The following FAM174B variants were observed in gnomAD, a reference collection of about 807,000 sequenced individuals.
The protein encoded by FAM174B is membrane protein FAM174B.
A neutral mutation model predicts 10.9 loss-of-function variants in FAM174B; 12 were observed. The observed-to-expected ratio is 1.10, with a 90% CI of 0.71 to 1.79. The LOEUF (loss-of-function observed/expected upper bound fraction) is 1.79. Among genes scored for constraint, FAM174B ranks in the 40% most tolerant of loss-of-function variants. The pLI is 0.00. For missense variants in FAM174B, 266 were observed against 233.3 expected, an observed-to-expected ratio of 1.14 and a Z score of -0.91; for synonymous variants, 132 against 115.8, an observed-to-expected ratio of 1.14 and a Z score of -0.90.
intron 1 of FAM174B, among the ~76,000 whole-genome samples, chr15:92,643,399 A>G (rs947947541): frequency 1.9e-4 from 22 of 114,660 alleles, no homozygotes; most frequent in African/African-American, 6.1e-4. Flanking sequence ...TATTACACTC[A>G]CTTGCTTCTA....
intron 1 of FAM174B, chr15:92,639,114 A>G (rs1359936348): frequency 6.6e-6 from 1 of 152,318 alleles, no homozygotes; most frequent in Non-Finnish European, 1.5e-5. Flanking sequence ...ATCACACTCC[A>G]CAACATGAGC....
intron 1 of FAM174B, among the ~76,000 whole-genome samples, chr15:92,651,763 A>C (rs1165013115): frequency 6.6e-6 from 1 of 152,212 alleles, no homozygotes; most frequent in African/African-American, 2.4e-5. Flanking sequence ...TTTCTCTTCT[A>C]ATCATTCACA....
chr15:92,624,399 T>C (rs538619742), intron 2 of FAM174B, among the ~76,000 whole-genome samples: 2 of 148,694 alleles, frequency 1.3e-5, no homozygotes, highest in African/African-American at 4.8e-5. Context: ...CTGGGGTGCC[T>C]GGCCATTCAG....
At position 92,617,989 on chromosome 15, in the gene FAM174B, C is replaced by T. The variant is rs1007739948; in HGVS notation, c.*1467G>A. On this transcript the variant is annotated 3_prime_UTR_variant, in exon 3 of 3. Transcript: ENST00000327355. ...CTGCCTTCCTGGCAGGCGGAGGCTG[C>T]CGAGCTCCCATGCCCCTTCCCACAT... 2.7e-5 allele frequency: 9 copies of T among 334,166 alleles called. No individual in the cohort carries two copies. Among genetic ancestry groups the T allele is most frequent in the Admixed American group, 9.7e-5 (2 of 20,536 alleles). 20.7% of individuals were successfully genotyped at this position (334,166 alleles called of 1,614,324 possible).
chr15:92,621,292 T>A (rs1194115138), intron 2 of FAM174B, among the ~76,000 whole-genome samples: 1 of 152,192 alleles, frequency 6.6e-6, no homozygotes, highest in Non-Finnish European at 1.5e-5. Flanking sequence ...AAGTTTAATT[T>A]TTTTTCCAAA....
intron 2 of FAM174B, among the ~76,000 whole-genome samples, chr15:92,623,391 A>G (rs573464882): frequency 3.9e-5 from 6 of 152,302 alleles, no homozygotes; most frequent in East Asian, 3.9e-4. Context: ...CATCATTAAC[A>G]TAAGTCAGAA....
At chr15:92,638,823 C>A (rs2050872363) in intron 1 of FAM174B, among the ~76,000 whole-genome samples, 1 of 152,234 alleles carries the variant, frequency 6.6e-6, no homozygotes, top group Non-Finnish European at 1.5e-5. Flanking sequence ...TCTTCCGAAT[C>A]CTGCAGCCCC....
intron 1 of FAM174B, among the ~76,000 whole-genome samples, chr15:92,633,496 T>A (rs2050832591): frequency 6.6e-6 from 1 of 152,088 alleles, no homozygotes; most frequent in African/African-American, 2.4e-5. Context: ...AGCTGTAAAG[T>A]CTGATGATAC....
At chr15:92,624,583 C>T (rs902691124) in intron 2 of FAM174B, among the ~76,000 whole-genome samples, 1 of 152,238 alleles carries the variant, frequency 6.6e-6, no homozygotes. Flanking sequence ...ACAAAAATGC[C>T]CTTTGTTTCC....
chr15:92,647,101 A>C (rs894004743), intron 1 of FAM174B, among the ~76,000 whole-genome samples: 1 of 152,234 alleles, frequency 6.6e-6, no homozygotes, highest in African/African-American at 2.4e-5. Flanking sequence ...AGTGAGGAAA[A>C]CATATAAAAT....
chr15:92,640,679 C>T (rs2050885899), intron 1 of FAM174B, among the ~76,000 whole-genome samples: 1 of 151,170 alleles, frequency 6.6e-6, no homozygotes, highest in South Asian at 2.1e-4. Context: ...GACACAGTCT[C>T]ACTCTGTCAC....
rs541707052 is a variant in FAM174B, at chr15:92,633,566, G to A, written c.345-3221C>T. On this transcript the variant is annotated intron_variant, in intron 1 of 2. Coordinates refer to ENST00000327355, the MANE Select transcript of FAM174B (RefSeq NM_207446.3). The stretch of plus-strand genomic sequence containing the variant: ...TTTCATCACCGGTATACACACACAC[G>A]CACACACACGGACACACAGGCATGG... Among the ~76,000 whole-genome samples the A allele has an allele frequency of 9.9e-5, 15 of 151,942 alleles. No individual in the cohort carries two copies. The Middle Eastern group carries it at 0.014, about 138-fold the overall frequency.
chr15:92,644,308 C>G (rs2050911479), intron 1 of FAM174B, among the ~76,000 whole-genome samples: 1 of 152,142 alleles, frequency 6.6e-6, no homozygotes, highest in African/African-American at 2.4e-5. Context: ...TGAGCTCCAC[C>G]CGACACCTTC....
At chr15:92,628,826 T>TATC (rs1272155282) in intron 2 of FAM174B, among the ~76,000 whole-genome samples, 1 of 152,180 alleles carries the variant, frequency 6.6e-6, no homozygotes, top group Non-Finnish European at 1.5e-5. Context: ...AAAATATACA[T>TATC]ATCAAAATGT....
Position 92,637,838 on chromosome 15 carries a change from G to T in FAM174B, c.345-7493C>A, listed in dbSNP as rs1039349175. Among the ~76,000 whole-genome samples, 20 of 152,170 alleles carry T rather than the reference G, an allele frequency of 1.3e-4. 1 individual carries two copies. Among genetic ancestry groups the T allele is most frequent in the African/African-American group, 4.8e-4 (20 of 41,426 alleles). On this transcript the variant is annotated intron_variant, in intron 1 of 2. Coordinates refer to ENST00000327355, the MANE Select transcript of FAM174B (RefSeq NM_207446.3). Reference sequence around the variant, plus strand: ...CATTCGTGGGCAGTGGGCCAGCCTTGGGGACAGGGCCCTCATTTTACTCAA... The same window carrying T: ...CATTCGTGGGCAGTGGGCCAGCCTTTGGGACAGGGCCCTCATTTTACTCAA...
chr15:92,630,463 CTCTG>C, intron 1 of FAM174B, 118 bp from the exon 2 acceptor site: 2 of 975,886 alleles, frequency 2.0e-6, no homozygotes, highest in Non-Finnish European at 3.0e-6. Flanking sequence ...GGTTTCCTTC[CTCTG>C]TCTGAGAGTG....
intron 1 of FAM174B, among the ~76,000 whole-genome samples, chr15:92,644,933 C>T (rs1017121834): frequency 6.6e-6 from 1 of 152,224 alleles, no homozygotes; most frequent in Non-Finnish European, 1.5e-5. Context: ...AGGCTCCTAA[C>T]TTTTAAGTGT....
intron 1 of FAM174B, among the ~76,000 whole-genome samples, chr15:92,649,836 G>A (rs73460409): frequency 6.6e-6 from 1 of 152,270 alleles, no homozygotes; most frequent in Admixed American, 6.5e-5. Context: ...TCTGGATTTT[G>A]GCTGTATCCG....
intron 1 of FAM174B, among the ~76,000 whole-genome samples, chr15:92,652,598 T>G (rs1196122582): frequency 2.0e-5 from 3 of 151,992 alleles, no homozygotes; most frequent in African/African-American, 7.3e-5. Flanking sequence ...TTCCTGCAGT[T>G]GAGGGAGGAC....
Sources: allele counts gnomAD v4.1 joint callset (sites outside exome capture counted in the v4.1 genomes callset), GRCh38; gene constraint gnomAD v4.1.1; transcripts MANE v1.5; gene names NCBI Gene and HGNC (gene_info 2026-07-23, HGNC 2026-07-21).